CCSER1: variants seen among roughly 807,000 people sequenced by gnomAD.
The protein encoded by CCSER1 is serine-rich coiled-coil domain-containing protein 1.
CCSER1 carries 41 observed loss-of-function variants against 82.0 expected under a neutral mutation model. The ratio of observed to expected loss-of-function variants is 0.50; its 90% CI spans 0.39 to 0.65. The LOEUF is 0.65. Among genes scored for constraint, CCSER1 ranks in the 30% least tolerant of loss-of-function variants. CCSER1 has a pLI of 0.00. For missense variants in CCSER1, 1,119 were observed against 1,064.2 expected (o/e 1.05, Z -0.72); for synonymous variants, 414 against 383.9 (o/e 1.08, Z -0.92).
chr4:90,132,816 T>C (rs962935218), intron 1 of CCSER1, among the ~76,000 whole-genome samples: 2 of 152,208 alleles, frequency 1.3e-5, no homozygotes, highest in Admixed American at 1.3e-4. Context: ...TTTTCAAATA[T>C]TAATTAAAGT....
chr4:91,143,488 T>C (rs1399474783), intron 10 of CCSER1, among the ~76,000 whole-genome samples: 1 of 152,116 alleles, frequency 6.6e-6, no homozygotes, highest in Non-Finnish European at 1.5e-5. Flanking sequence ...CTTGCCTGAT[T>C]GCTCTAATTA....
Position 91,392,349 on chromosome 4 carries a change from T to C in CCSER1, c.2218-206223T>C, listed in dbSNP as rs529015848. ...GACATACCAAAACTAGTTAGCAATA[T>C]GAAACCTACACATGCACACACACAC... On this transcript the variant is annotated intron_variant, in intron 10 of 10. Coordinates refer to ENST00000509176, the MANE Select transcript of CCSER1 (RefSeq NM_001145065.2). Among the ~76,000 whole-genome samples, 13 of 86,904 alleles carry C rather than the reference T, an allele frequency of 1.5e-4. No individual in the cohort carries two copies. The East Asian group carries it at 5.1e-3, about 34-fold the overall frequency. 57.0% of individuals were successfully genotyped at this position (86,904 alleles called of 152,430 possible). A position where few individuals can be genotyped will look rare whatever the true frequency, so the allele number is the denominator to read the frequency against.
intron 8 of CCSER1, among the ~76,000 whole-genome samples, chr4:90,892,594 A>G (rs1723116668): frequency 6.7e-6 from 1 of 149,642 alleles, no homozygotes; most frequent in Non-Finnish European, 1.5e-5. Flanking sequence ...AGCTTAATCC[A>G]TCTTCATTTA....
At chr4:90,881,079 T>G (rs1030713953) in intron 8 of CCSER1, among the ~76,000 whole-genome samples, 3 of 151,966 alleles carry the variant, frequency 2.0e-5, no homozygotes, top group Non-Finnish European at 2.9e-5. Context: ...GTGTTTTTAG[T>G]AAACATAAGT....
intron 10 of CCSER1, among the ~76,000 whole-genome samples, chr4:91,352,861 A>C (rs986849437): frequency 1.3e-5 from 2 of 152,312 alleles, no homozygotes; most frequent in Non-Finnish European, 2.9e-5. Context: ...CCCTGTACTC[A>C]GGACTGGTGT....
chr4:91,261,967 A>G (rs1027928293), intron 10 of CCSER1, among the ~76,000 whole-genome samples: 5 of 152,196 alleles, frequency 3.3e-5, no homozygotes, highest in African/African-American at 1.2e-4. Flanking sequence ...TGAGAGTAAG[A>G]CAGAAATGTA....
chr4:90,789,092 A>G (rs1754903874), intron 7 of CCSER1, among the ~76,000 whole-genome samples: 1 of 152,270 alleles, frequency 6.6e-6, no homozygotes, highest in South Asian at 2.1e-4. Context: ...CCTTCTGATA[A>G]TTATGTAGTT....
chr4:91,184,844 A>G (rs1430227746), intron 10 of CCSER1, among the ~76,000 whole-genome samples: 1 of 152,156 alleles, frequency 6.6e-6, no homozygotes, highest in Non-Finnish European at 1.5e-5. Flanking sequence ...TTTTAGGGCT[A>G]TATAATTGTT....
chr4:91,562,369 A>T (rs1029754932), intron 10 of CCSER1, among the ~76,000 whole-genome samples: 2 of 151,464 alleles, frequency 1.3e-5, no homozygotes, highest in African/African-American at 4.8e-5. Context: ...AAGTATCTTT[A>T]TATAACTTTT....
intron 7 of CCSER1, among the ~76,000 whole-genome samples, chr4:90,746,818 T>C (rs1219467139): frequency 6.6e-6 from 1 of 152,354 alleles, no homozygotes; most frequent in East Asian, 1.9e-4. Flanking sequence ...ACCAGACTAT[T>C]GTCTTACTTT....
chr4:90,154,759 T>A (rs1426603867), intron 1 of CCSER1, among the ~76,000 whole-genome samples: 16 of 148,332 alleles, frequency 1.1e-4, no homozygotes, highest in African/African-American at 3.7e-4. Flanking sequence ...AAGTTGCTTA[T>A]CAGCTTAAGG....
intron 10 of CCSER1, among the ~76,000 whole-genome samples, chr4:91,268,181 G>A (rs1741747814): frequency 6.6e-6 from 1 of 152,136 alleles, no homozygotes; most frequent in South Asian, 2.1e-4. Context: ...TTTCTACTAT[G>A]TGTATAACTA....
intron 7 of CCSER1, among the ~76,000 whole-genome samples, chr4:90,804,058 T>A (rs571163680): frequency 6.6e-6 from 1 of 152,278 alleles, no homozygotes; most frequent in Admixed American, 6.5e-5. Flanking sequence ...TTGATGGGGT[T>A]GTTTGTTTTT....
At chr4:90,312,751 GA>G (rs2153480939) in intron 2 of CCSER1, 111 bp from the exon 3 acceptor site, 1 of 823,590 alleles carries the variant, frequency 1.2e-6, no homozygotes, top group Admixed American at 2.9e-5. Flanking sequence ...GTTTTCTTGT[GA>G]TAGAGAAACT....
At chr4:91,538,392 G>A (rs1560747164) in intron 10 of CCSER1, among the ~76,000 whole-genome samples, 1 of 151,790 alleles carries the variant, frequency 6.6e-6, no homozygotes. Flanking sequence ...TTATGAATAA[G>A]TTTGTTCTGA....
chr4:91,565,023 G>T (rs981176460), intron 10 of CCSER1, among the ~76,000 whole-genome samples: 1 of 131,618 alleles, frequency 7.6e-6, no homozygotes, highest in South Asian at 2.6e-4. Context: ...AATGCACCTT[G>T]AGTTGTGTGT....
rs1026534032 is a variant in CCSER1, at chr4:91,413,493, GAAC to G, written c.2218-185067_2218-185065del. ...AGAAAATATAGGCCAATCAGAACAA[GAAC>G]AACAACAACAAAAAAAAACAAAAAG... On this transcript the variant is annotated intron_variant, in intron 10 of 10. Transcript: ENST00000509176. 2.4e-4 allele frequency among the ~76,000 whole-genome samples: 36 copies of G among 147,926 alleles called. No individual in the cohort carries two copies. In the South Asian group the frequency reaches 3.0e-3, roughly 12 times the overall value.
At chr4:90,735,868 G>A (rs1745552146) in intron 7 of CCSER1, among the ~76,000 whole-genome samples, 2 of 152,000 alleles carry the variant, frequency 1.3e-5, no homozygotes, top group South Asian at 4.2e-4. Context: ...TCTTAGAAAT[G>A]CTTTCACTAT....
At chr4:90,348,058 TA>T (rs1742720681) in intron 3 of CCSER1, among the ~76,000 whole-genome samples, 1 of 152,116 alleles carries the variant, frequency 6.6e-6, no homozygotes, top group Non-Finnish European at 1.5e-5. Context: ...AAATGGGAGC[TA>T]AATGATGAGG....
Sources: allele counts gnomAD v4.1 joint callset (sites outside exome capture counted in the v4.1 genomes callset), GRCh38; gene constraint gnomAD v4.1.1; transcripts MANE v1.5; gene names NCBI Gene and HGNC (gene_info 2026-07-23, HGNC 2026-07-21).